Variants in ARFIP1 observed in about 807,000 individuals in gnomAD.
The protein encoded by ARFIP1 is ARF interacting protein 1, also known as arfaptin-1.
Under a neutral mutation model 42.5 loss-of-function variants are expected in ARFIP1, and 24 were observed. That is an observed-to-expected ratio of 0.57 (90% CI 0.41 to 0.80). The LOEUF is 0.80. Ranked by LOEUF, ARFIP1 falls within the 30% of genes least tolerant of loss-of-function variation. ARFIP1 has a pLI of 0.00. For missense variants in ARFIP1, 354 were observed against 434.0 expected (o/e 0.82, Z 1.64); for synonymous variants, 141 against 153.7 (o/e 0.92, Z 0.61).
intron 1 of ARFIP1, among the ~76,000 whole-genome samples, chr4:152,810,571 G>A (rs1323155593): frequency 6.6e-6 from 1 of 152,044 alleles, no homozygotes; most frequent in Admixed American, 6.5e-5. Flanking sequence ...TATTTCGGGA[G>A]GCTGAGGCGG....
At chr4:152,831,324 T>C (rs1259978309) in intron 2 of ARFIP1, among the ~76,000 whole-genome samples, 1 of 152,208 alleles carries the variant, frequency 6.6e-6, no homozygotes, top group Non-Finnish European at 1.5e-5. Flanking sequence ...CATCAGGTAG[T>C]TGATATTTTA....
intron 8 of ARFIP1, among the ~76,000 whole-genome samples, chr4:152,905,054 A>G (rs1579052031): frequency 6.6e-6 from 1 of 152,194 alleles, no homozygotes; most frequent in East Asian, 1.9e-4. Context: ...CCTTCCCAGC[A>G]TCTGTTGTTT....
chr4:152,827,789 C>T (rs991869577), intron 1 of ARFIP1, among the ~76,000 whole-genome samples: 9 of 152,152 alleles, frequency 5.9e-5, no homozygotes, highest in Non-Finnish European at 1.5e-5. Flanking sequence ...GATCCTCCCA[C>T]CCCAGCCTCC....
In ARFIP1 at chr4:152,889,806, A is replaced by G. The variant is rs1156398772; in HGVS notation, c.966+1499A>G. 1.7e-4 allele frequency among the ~76,000 whole-genome samples: 19 copies of G among 114,344 alleles called. 1 individual carries two copies. The highest frequency in any genetic ancestry group is 6.6e-4 in the African/African-American group (19 of 28,708). 75.0% of individuals were successfully genotyped at this position (114,344 alleles called of 152,430 possible). On this transcript the variant is annotated intron_variant, in intron 8 of 8. Transcript: ENST00000353617. ...TACTATATATTATATACTATACTAT[A>G]TACTATATATATACTATATATACTA...
chr4:152,781,470 C>G (rs1730493858), intron 1 of ARFIP1, among the ~76,000 whole-genome samples: 1 of 152,166 alleles, frequency 6.6e-6, no homozygotes, highest in Admixed American at 6.5e-5. Flanking sequence ...CTCCTGACCT[C>G]AAATGATCCT....
chr4:152,840,452 G>A (rs1731967511), intron 2 of ARFIP1, among the ~76,000 whole-genome samples: 1 of 152,162 alleles, frequency 6.6e-6, no homozygotes, highest in South Asian at 2.1e-4. Context: ...GCATATTTGT[G>A]TAGGATTGTG....
intron 1 of ARFIP1, among the ~76,000 whole-genome samples, chr4:152,819,789 TGG>T (rs1730211850): frequency 1.3e-5 from 2 of 152,192 alleles, no homozygotes; most frequent in African/African-American, 2.4e-5. Flanking sequence ...CAGGCAGCCC[TGG>T]TGCTCCTGAA....
At chr4:152,906,808 G>T (rs1738395558) in intron 8 of ARFIP1, among the ~76,000 whole-genome samples, 1 of 152,192 alleles carries the variant, frequency 6.6e-6, no homozygotes, top group African/African-American at 2.4e-5. Flanking sequence ...CTCTGCTGCA[G>T]TCATAGAGGC....
chr4:152,862,235 C>T (rs1733952072), intron 2 of ARFIP1, among the ~76,000 whole-genome samples: 1 of 152,296 alleles, frequency 6.6e-6, no homozygotes, highest in East Asian at 1.9e-4. Context: ...CCCTTCCTAA[C>T]CCTATTCCAT....
chr4:152,876,743 T>TG (rs1735376883), intron 5 of ARFIP1, among the ~76,000 whole-genome samples: 1 of 151,740 alleles, frequency 6.6e-6, no homozygotes. Context: ...AGGAGGAAAA[T>TG]GTGGTTTTGT....
chr4:152,794,249 C>T (rs1164571685), intron 1 of ARFIP1, among the ~76,000 whole-genome samples: 1 of 152,156 alleles, frequency 6.6e-6, no homozygotes, highest in African/African-American at 2.4e-5. Context: ...TATATAGGAA[C>T]TCACATTGAA....
chr4:152,812,410 C>G (rs537759241), intron 1 of ARFIP1, among the ~76,000 whole-genome samples: 18 of 152,176 alleles, frequency 1.2e-4, no homozygotes, highest in Non-Finnish European at 2.2e-4. Context: ...CCAGGCTGGT[C>G]TCAAACTCCT....
intron 1 of ARFIP1, among the ~76,000 whole-genome samples, chr4:152,828,693 T>C (rs1731030502): frequency 6.6e-6 from 1 of 152,242 alleles, no homozygotes; most frequent in South Asian, 2.1e-4. Context: ...GTCCTTCATA[T>C]GTTTTCTGTG....
At chr4:152,822,166 A>G (rs1217652085) in intron 1 of ARFIP1, among the ~76,000 whole-genome samples, 2 of 152,164 alleles carry the variant, frequency 1.3e-5, no homozygotes, top group Admixed American at 1.3e-4. Context: ...TTTAGAAGAC[A>G]CAGATAACAC....
intron 2 of ARFIP1, among the ~76,000 whole-genome samples, chr4:152,845,955 A>G (rs1027567448): frequency 9.2e-5 from 14 of 152,356 alleles, no homozygotes; most frequent in South Asian, 4.1e-4. Context: ...GTACCCATCA[A>G]TGGTGGATTG....
chr4:152,853,483 A>C (rs1162536266), intron 2 of ARFIP1, among the ~76,000 whole-genome samples: 1 of 152,196 alleles, frequency 6.6e-6, no homozygotes, highest in African/African-American at 2.4e-5. Flanking sequence ...CAAATATGTC[A>C]TACCATTTTC....
intron 2 of ARFIP1, chr4:152,850,695 C>T (rs1227805101): frequency 6.6e-6 from 1 of 152,218 alleles, no homozygotes; most frequent in East Asian, 1.9e-4. Context: ...GCATTTTTAA[C>T]AGGATCCTCA....
intron 1 of ARFIP1, among the ~76,000 whole-genome samples, chr4:152,807,454 G>A (rs1193208737): frequency 2.0e-5 from 3 of 152,030 alleles, no homozygotes; most frequent in South Asian, 4.1e-4. Flanking sequence ...TACTTGAGCC[G>A]TTATAGTGGT....
intron 4 of ARFIP1, among the ~76,000 whole-genome samples, chr4:152,871,378 C>G (rs962914759): frequency 6.6e-6 from 1 of 152,176 alleles, no homozygotes; most frequent in Admixed American, 6.5e-5. Flanking sequence ...TCTTTACATT[C>G]AATTTGCTCT....
Sources: gnomAD v4.1 joint callset for allele counts (sites outside exome capture counted in the v4.1 genomes callset) on GRCh38, gnomAD v4.1.1 for gene constraint, MANE v1.5 for transcripts, NCBI Gene and HGNC (gene_info 2026-07-23, HGNC 2026-07-21) for gene names.